The following NEB variants were observed in gnomAD, a reference collection of about 807,000 sequenced individuals.
The protein encoded by NEB is nebulin, also known as nemaline myopathy type 2.
In NEB, 512 loss-of-function variants were observed where a neutral mutation model predicts 952.2. The ratio of observed to expected loss-of-function variants is 0.54; its 90% confidence interval spans 0.50 to 0.58. The LOEUF is 0.58. Among genes scored for constraint, NEB ranks in the 20% least tolerant of loss-of-function variants. NEB has a pLI of 0.00. For missense variants in NEB, 8,428 were observed against 9,231.1 expected, an observed-to-expected ratio of 0.91 and a Z score of 3.56; for synonymous variants, 2,900 against 3,149.8, an observed-to-expected ratio of 0.92 and a Z score of 2.66.
intron 124 of NEB, among the ~76,000 whole-genome samples, chr2:151,557,605 T>C (rs1210379212): frequency 3.9e-5 from 6 of 152,226 alleles, no homozygotes; most frequent in Non-Finnish European, 8.8e-5. Context: ...TGAACATCGA[T>C]GTGAAAATAC....
At chr2:151,540,481 T>A in intron 137 of NEB, 33 bp from the exon 138 acceptor site, 17 of 1,488,664 alleles carry the variant, frequency 1.1e-5, no homozygotes, top group Non-Finnish European at 1.6e-5. Context: ...AGAGACAAGC[T>A]TAAGTGTCTT....
Position 151,697,617 on chromosome 2 carries a change from T to A in NEB, c.1184A>T (p.Lys395Ile). 1.2e-6 allele frequency: 2 copies of A among 1,611,134 alleles called. No homozygotes were observed. The highest frequency in any genetic ancestry group is 1.7e-6 in the Non-Finnish European group (2 of 1,179,312). Residue 395 changes from lysine to isoleucine, a missense_variant, in exon 14 of 182, where the codon AAA becomes ATA. Physicochemically the swap from Lys to Ile is moderately radical, Grantham distance 102. Around this residue, in one of 11 missense-constraint regions of NEB, gnomAD observed 2,851 missense variants for 2,791.5 expected, o/e 1.02. Coordinates refer to ENST00000397345, the MANE Select transcript of NEB (RefSeq NM_001164508.2). ...KLYKENYEKT[K>I]AKSINYCETP... ...CTCGCAGTAATTTATGCTCTTTGCT[T>A]TTGTCTTTTCATAGTTTTCCTTGTA...
rs2098546852 is a variant in NEB at position 151,627,406 on chromosome 2, G to C, written c.10143+117C>G. 2.0e-6 allele frequency: 3 copies of C among 1,473,814 alleles called. No homozygotes were observed. In the South Asian group the frequency reaches 4.0e-5, roughly 20 times the overall value. The allele number at this position is 1,473,814 out of a possible 1,614,324, so 91.3% of individuals were successfully genotyped here. On this transcript the variant is annotated intron_variant, in intron 69 of 181. Transcript: ENST00000397345. ...TAAGGGGAAGAGTTGCCTAAAAAAT[G>C]AGCAGAGAGAAGAAATGTCATCCCT...
chr2:151,696,557 T>C (rs572266556), intron 17 of NEB, 80 bp downstream of exon 17: 15 of 1,073,218 alleles, frequency 1.4e-5, no homozygotes, highest in Middle Eastern at 2.0e-4. Context: ...ATAAACTTGA[T>C]AAGTCATTGG....
chr2:151,567,926 G>GT (rs1488083968), intron 113 of NEB, 145 bp downstream of exon 113: 1 of 610,368 alleles, frequency 1.6e-6, no homozygotes, highest in Non-Finnish European at 2.9e-6. Context: ...AAGTGAGCAG[G>GT]TACTCCAACC....
At chr2:151,710,860 T>G (rs1339466481) in intron 10 of NEB, among the ~76,000 whole-genome samples, 1 of 152,208 alleles carries the variant, frequency 6.6e-6, no homozygotes, top group Non-Finnish European at 1.5e-5. Context: ...TATTTATATT[T>G]CAGTTACAAT....
At chr2:151,526,466 C>T (rs2086016930) in intron 148 of NEB, among the ~76,000 whole-genome samples, 1 of 152,144 alleles carries the variant, frequency 6.6e-6, no homozygotes, top group Non-Finnish European at 1.5e-5. Flanking sequence ...CAAAATGGAT[C>T]TCGTGATGAA....
At position 151,500,143 on chromosome 2, in the gene NEB, T is replaced by TAAC. The variant is rs140864353; in HGVS notation, c.24022-756_24022-754dup. 0.013 allele frequency among the ~76,000 whole-genome samples: 1,990 copies of TAAC among 152,182 alleles called. 77 individuals are homozygous for TAAC. In the East Asian group the frequency reaches 0.14, roughly 11 times the overall value. On this transcript the variant is annotated intron_variant, in intron 168 of 181. Coordinates refer to ENST00000397345, the MANE Select transcript of NEB (RefSeq NM_001164508.2). ...GAGTATAACATTCCAAAAGACATAT[T>TAAC]AACATTGAAAATTTAACAAAATTGA...
At chr2:151,511,106 A>G (rs988177395) in intron 161 of NEB, among the ~76,000 whole-genome samples, 2 of 152,374 alleles carry the variant, frequency 1.3e-5, no homozygotes, top group African/African-American at 4.8e-5. Context: ...ATAGGTCCAC[A>G]TGCTGAAGCT....
At chr2:151,706,641 G>C (rs893863782) in intron 13 of NEB, among the ~76,000 whole-genome samples, 1 of 152,122 alleles carries the variant, frequency 6.6e-6, no homozygotes, top group Non-Finnish European at 1.5e-5. Context: ...GGTGCCCAGA[G>C]CTCCTAAGCA....
Position 151,627,553 on chromosome 2 carries a change from A to G in NEB, c.10113T>C (p.His3371=), listed in dbSNP as rs761444477. The change falls in exon 69 of 182, where the codon CAT becomes CAC. Residue 3371 remains histidine, a synonymous_variant. Coordinates refer to ENST00000397345, the MANE Select transcript of NEB (RefSeq NM_001164508.2). ...TCLPDQNDVI[H]ARQAYDLQSD... is the part of the protein sequence containing the mutation. Reference sequence around the variant, plus strand: ...TCTGGAGGTCATAGGCCTGCCGAGCATGGATGACATCATTCTGGTCGGGCA... The same window carrying G: ...TCTGGAGGTCATAGGCCTGCCGAGCGTGGATGACATCATTCTGGTCGGGCA... 6.2e-7 allele frequency: 1 copy of G among 1,613,918 alleles called. No homozygotes were observed. Among genetic ancestry groups the G allele is most frequent in the African/African-American group, 1.3e-5 (1 of 74,948 alleles).
Position 151,512,776 on chromosome 2 carries a change from G to A in NEB, c.23303C>T (p.Pro7768Leu). 6.2e-7 allele frequency: 1 copy of A among 1,613,876 alleles called. No individual in the cohort carries two copies. Among genetic ancestry groups the A allele is most frequent in the African/African-American group, 1.3e-5 (1 of 75,030 alleles). Residue 7768 changes from proline to leucine, a missense_variant, in exon 161 of 182, where the codon CCA becomes CTA. Around this residue, in one of 11 missense-constraint regions of NEB, gnomAD observed 3,374 missense variants for 3,651.5 expected, o/e 0.92. Transcript: ENST00000397345. ...KANFTSVVDT[P>L]EIIHAQQVKN... ...GACTTGTTGGGCATGAATGATCTCT[G>A]GAGTATCAACCACAGAAGTGAAATT...
chr2:151,616,181 T>C, intron 75 of NEB, 72 bp from the exon 76 acceptor site: 2 of 1,067,996 alleles, frequency 1.9e-6, no homozygotes, highest in Non-Finnish European at 2.8e-6. Context: ...TAGTTTTTCT[T>C]TGTCCTCATT....
chr2:151,564,919 G>A (rs1479025311), intron 117 of NEB, 125 bp downstream of exon 117: 1 of 585,304 alleles, frequency 1.7e-6, no homozygotes, highest in Non-Finnish European at 3.0e-6. Context: ...AAGACTAAGT[G>A]CAATGGGAAA....
chr2:151,630,819 G>T lies in NEB; in HGVS notation c.9619C>A (p.Arg3207Ser), dbSNP rs200351671. 2.0e-5 allele frequency: 32 copies of T among 1,577,522 alleles called. No individual in the cohort carries two copies. The African/African-American group carries it at 3.9e-4, about 19-fold the overall frequency. Reference sequence around the variant, plus strand: ...TTGTCCCAGGCCTCTGTGTATAAACGCTATAAAAGAAGATAAGATGCTGAT... The same window carrying T: ...TTGTCCCAGGCCTCTGTGTATAAACTCTATAAAAGAAGATAAGATGCTGAT... ...AKNNALNMNK[R>S]LYTEAWDKDK... The change falls in exon 67 of 182, where the codon CGT (arginine) becomes AGT (serine). Residue 3207 changes from arginine (R) to serine (S), a missense_variant and splice_region_variant. By Grantham distance (110) the Arg-to-Ser change is moderately radical (BLOSUM62 -1). Transcript: ENST00000397345.
chr2:151,502,922 A>G (rs1214590316), intron 166 of NEB, 37 bp from the exon 167 acceptor site: 1 of 1,288,272 alleles, frequency 7.8e-7, no homozygotes, highest in African/African-American at 1.5e-5. Flanking sequence ...GGACATTTAA[A>G]ACAGGCACAG....
At chr2:151,724,416 G>A in intron 7 of NEB, 52 bp from the exon 8 acceptor site, 1 of 1,387,044 alleles carries the variant, frequency 7.2e-7, no homozygotes, top group Middle Eastern at 1.8e-4. Context: ...CCAAAGGCAT[G>A]AGGATTTAAA....
chr2:151,653,185 C>T (rs2099049891), intron 52 of NEB, among the ~76,000 whole-genome samples: 1 of 152,166 alleles, frequency 6.6e-6, no homozygotes, highest in Non-Finnish European at 1.5e-5. Flanking sequence ...ATTAAGAGGT[C>T]CTACTTCCCT....
intron 145 of NEB, among the ~76,000 whole-genome samples, chr2:151,530,016 G>A (rs182601770): frequency 1.1e-4 from 16 of 152,134 alleles, no homozygotes; most frequent in African/African-American, 1.2e-4. Context: ...TCTGTGCTCC[G>A]GCAGTTATAG....
Sources: allele counts gnomAD v4.1 joint callset (sites outside exome capture counted in the v4.1 genomes callset), GRCh38; gene constraint gnomAD v4.1.1; regional missense constraint gnomAD v4.1.1; transcripts MANE v1.5; gene names NCBI Gene and HGNC (gene_info 2026-07-23, HGNC 2026-07-21).